The following RTL4 variants were observed in gnomAD, a reference collection of about 807,000 sequenced individuals.
RTL4 encodes retrotransposon Gag like 4.
Under a neutral mutation model 5.3 loss-of-function variants are expected in RTL4, and 4 were observed. That is an observed-to-expected ratio of 0.75 (90% CI 0.37 to 1.72). The LOEUF (loss-of-function observed/expected upper bound fraction) is 1.72. Ranked by LOEUF, RTL4 falls within the 40% of genes most tolerant of loss-of-function variation. The pLI, the probability that RTL4 is intolerant of heterozygous loss-of-function variation, is 0.04. For synonymous variants in RTL4, 98 were observed against 87.3 expected, an observed-to-expected ratio of 1.12 and a Z score of -0.68; for missense variants, 260 against 227.1, an observed-to-expected ratio of 1.14 and a Z score of -0.93.
chrX:112,135,787 T>C, the RTL4 span, among the ~76,000 whole-genome samples: 1 of 109,688 alleles, frequency 9.1e-6, no homozygotes, highest in Non-Finnish European at 1.9e-5. Flanking sequence ...TGAATTTCTT[T>C]TGACTCTTTG....
chrX:112,203,970 ATGT>A, the RTL4 span, among the ~76,000 whole-genome samples: 7 of 112,349 alleles, frequency 6.2e-5, no homozygotes, highest in Non-Finnish European at 1.3e-4. Context: ...AATGCTATAC[ATGT>A]TGTTATGTCT....
At chrX:112,179,605 G>C in the RTL4 span, among the ~76,000 whole-genome samples, 3 of 111,897 alleles carry the variant, frequency 2.7e-5, no homozygotes, top group Non-Finnish European at 5.6e-5. Flanking sequence ...AAGGTGAAAA[G>C]GAACAAGCAG....
chrX:112,443,358 A>G, the RTL4 span, among the ~76,000 whole-genome samples: 2 of 111,659 alleles, frequency 1.8e-5, no homozygotes, highest in African/African-American at 6.5e-5. Context: ...CTTGCTTCCA[A>G]TTCTTGGCTA....
chrX:112,312,050 T>C, the RTL4 span, among the ~76,000 whole-genome samples: 2 of 111,839 alleles, frequency 1.8e-5, no homozygotes, highest in Non-Finnish European at 3.8e-5. Flanking sequence ...TTGGCAATAA[T>C]ATTAACAATA....
At chrX:112,126,537 T>A in the RTL4 span, among the ~76,000 whole-genome samples, 1 of 110,417 alleles carries the variant, frequency 9.1e-6, no homozygotes, top group Admixed American at 9.6e-5. Context: ...GCAAACTAAA[T>A]CCAAGCTGGC....
the RTL4 span, among the ~76,000 whole-genome samples, chrX:112,144,927 C>T: frequency 9.0e-6 from 1 of 111,656 alleles, no homozygotes; most frequent in Non-Finnish European, 1.9e-5. Context: ...TTTCAAGGCT[C>T]CTGATGCTTG....
At chrX:112,353,187 G>A in the RTL4 span, among the ~76,000 whole-genome samples, 1 of 111,617 alleles carries the variant, frequency 9.0e-6, no homozygotes, top group East Asian at 2.8e-4. Flanking sequence ...GAAACAACAG[G>A]TGCTGGAGAG....
the RTL4 span, among the ~76,000 whole-genome samples, chrX:112,398,645 C>T: frequency 1.9e-4 from 21 of 110,827 alleles, no homozygotes; most frequent in South Asian, 6.0e-3. Flanking sequence ...GTGATCCGCC[C>T]GCCTCGGCCT....
chrX:112,126,987 A>G, the RTL4 span, among the ~76,000 whole-genome samples: 1 of 112,256 alleles, frequency 8.9e-6, no homozygotes, highest in African/African-American at 3.2e-5. Context: ...TGAATTCTAC[A>G]AAACATTTAA....
the RTL4 span, among the ~76,000 whole-genome samples, chrX:112,344,586 C>T: frequency 8.9e-6 from 1 of 111,839 alleles, no homozygotes; most frequent in Non-Finnish European, 1.9e-5. Flanking sequence ...GGGAAGTCTG[C>T]CCCCATGACC....
chrX:112,086,489 C>T, the RTL4 span, among the ~76,000 whole-genome samples: 1,325 of 112,407 alleles, frequency 0.012, 9 homozygotes, highest in Non-Finnish European at 0.019. Flanking sequence ...TCAGCACTAT[C>T]TCTACCTCAG....
the RTL4 span, among the ~76,000 whole-genome samples, chrX:112,199,973 C>A: frequency 1.8e-5 from 2 of 111,886 alleles, no homozygotes; most frequent in Non-Finnish European, 3.8e-5. Flanking sequence ...GCGTTCTATG[C>A]AGTATTTTAT....
the RTL4 span, among the ~76,000 whole-genome samples, chrX:112,263,255 T>C: frequency 0.013 from 1,373 of 107,859 alleles, 25 homozygotes; most frequent in African/African-American, 0.044. Context: ...GAGAGAAGCA[T>C]TGTGTTCTGA....
At chrX:112,413,358 AC>A in the RTL4 span, among the ~76,000 whole-genome samples, 2 of 111,280 alleles carry the variant, frequency 1.8e-5, no homozygotes, top group Admixed American at 9.6e-5. Flanking sequence ...CTAGATATAT[AC>A]CCCCAAAAAG....
the RTL4 span, among the ~76,000 whole-genome samples, chrX:112,195,469 T>C: frequency 8.9e-6 from 1 of 111,774 alleles, no homozygotes; most frequent in Non-Finnish European, 1.9e-5. Context: ...CCAATTAAGT[T>C]GGAAAGTCCC....
chrX:112,099,225 G>T, the RTL4 span, among the ~76,000 whole-genome samples: 1 of 111,860 alleles, frequency 8.9e-6, no homozygotes, highest in Non-Finnish European at 1.9e-5. Context: ...GTGGGTGAAG[G>T]ATGTGAACAG....
At chrX:112,273,742 G>A in the RTL4 span, among the ~76,000 whole-genome samples, 2 of 111,571 alleles carry the variant, frequency 1.8e-5, no homozygotes, top group African/African-American at 6.5e-5. Context: ...GCCTTGACTT[G>A]AATACCAGTT....
the RTL4 span, among the ~76,000 whole-genome samples, chrX:112,330,217 A>G: frequency 3.7e-5 from 4 of 108,202 alleles, no homozygotes; most frequent in Non-Finnish European, 7.6e-5. Flanking sequence ...AGGAAGTCAA[A>G]TTGTCCCTGT....
At chrX:112,278,981 G>T in the RTL4 span, among the ~76,000 whole-genome samples, 1 of 111,475 alleles carries the variant, frequency 9.0e-6, no homozygotes, top group Non-Finnish European at 1.9e-5. Flanking sequence ...CAGCAAAAAT[G>T]AGTGAAAGGA....
Sources: allele counts gnomAD v4.1 joint callset (sites outside exome capture counted in the v4.1 genomes callset), GRCh38; gene constraint gnomAD v4.1.1; transcripts MANE v1.5; gene names NCBI Gene and HGNC (gene_info 2026-07-23, HGNC 2026-07-21).